MYO19: variants seen among roughly 807,000 people sequenced by gnomAD.
The protein encoded by MYO19 is myosin XIX, also known as unconventional myosin-XIX.
A neutral mutation model predicts 129.2 loss-of-function variants in MYO19; 132 were observed. The ratio of observed to expected loss-of-function variants is 1.02; its 90% CI spans 0.89 to 1.18. The LOEUF is 1.18. Ranked by LOEUF, MYO19 falls within the 50% of genes most tolerant of loss-of-function variation. The pLI is 0.00. For synonymous variants in MYO19, 531 were observed against 477.2 expected, an observed-to-expected ratio of 1.11 and a Z score of -1.47; for missense variants, 1,210 against 1,216.7, an observed-to-expected ratio of 0.99 and a Z score of 0.08.
rs537057712 is a variant in MYO19 at position 36,507,490 on chromosome 17, A to C, written c.1376T>G (p.Leu459Arg). ...CTGGTAGTTGATGAATGACCACTCC[A>C]GGCCCTCAACTGCGTATTCCTCCTA... ...AQQEEYAVEG[L>R]EWSFINYQDN... Residue 459 changes from leucine (L) to arginine (R), a missense_variant, in exon 16 of 26, where the codon CTG (leucine) becomes CGG (arginine). Leu to Arg is a moderately radical substitution (Grantham distance 102). Coordinates refer to ENST00000614623, the MANE Select transcript of MYO19 (RefSeq NM_001163735.2). 2.1e-4 allele frequency: 340 copies of C among 1,613,738 alleles called. 4 individuals are homozygous for C. In the South Asian group the frequency reaches 3.5e-3, roughly 17 times the overall value.
intron 6 of MYO19, among the ~76,000 whole-genome samples, chr17:36,517,231 A>G (rs2072815660): frequency 6.6e-6 from 1 of 152,048 alleles, no homozygotes; most frequent in African/African-American, 2.4e-5. Context: ...TTCTCTTTTT[A>G]TAAGTCTGAC....
Position 36,506,610 on chromosome 17 carries a change from T to C in MYO19, c.1645-2A>G. 6.6e-7 allele frequency: 1 copy of C among 1,522,446 alleles called. No individual in the cohort carries two copies. The highest frequency in any genetic ancestry group is 8.8e-7 in the Non-Finnish European group (1 of 1,139,248). 94.3% of individuals were successfully genotyped at this position (1,522,446 alleles called of 1,614,324 possible). On this transcript the variant is annotated splice_acceptor_variant, in intron 17 of 25. Transcript: ENST00000614623. LOFTEE classifies it high-confidence loss of function. ...GGTCAGCTCAGGTGGGATAGGGTCC[T>C]ATTGGGAAATGGCAAGAGCAGCAGT...
At chr17:36,532,787 G>C in intron 2 of MYO19, 106 bp from the exon 3 acceptor site, 2 of 584,836 alleles carry the variant, frequency 3.4e-6, no homozygotes, top group South Asian at 4.2e-5. Flanking sequence ...TGAGATGCAA[G>C]GCAGGCCTGG....
At chr17:36,536,592 C>G (rs1457583284), upstream of MYO19, among the ~76,000 whole-genome samples, 4 of 148,128 alleles carry the variant, frequency 2.7e-5, no homozygotes, top group Middle Eastern at 3.2e-3. Flanking sequence ...ATGGCTCACT[C>G]CAACCTCTGC....
chr17:36,543,857 C>T (rs1378772625), upstream of MYO19, among the ~76,000 whole-genome samples: 4 of 151,706 alleles, frequency 2.6e-5, no homozygotes, highest in South Asian at 6.2e-4. Flanking sequence ...AACTCCTGAC[C>T]CTCAGGTGAT....
intron 3 of MYO19, among the ~76,000 whole-genome samples, chr17:36,528,510 C>CA (rs948278898): frequency 0.16 from 16,697 of 106,112 alleles, 2,022 homozygotes; most frequent in African/African-American, 0.38. Flanking sequence ...GACTCTGTCT[C>CA]AAAAAAAAAA....
chr17:36,513,742 G>C lies in MYO19; in HGVS notation c.721-17C>G. 1 of 1,609,638 alleles carries C rather than the reference G, an allele frequency of 6.2e-7. No homozygotes were observed. Among genetic ancestry groups the C allele is most frequent in the Non-Finnish European group, 8.5e-7 (1 of 1,177,528 alleles). ...TTTGCAAATCTGTGGAGAAGGGTAG[G>C]TGGGAGGCTGGGTAGGGGGTCTGAG... On this transcript the variant is annotated splice_polypyrimidine_tract_variant and intron_variant, in intron 9 of 25. Coordinates refer to ENST00000614623, the MANE Select transcript of MYO19 (RefSeq NM_001163735.2).
In MYO19 at chr17:36,495,679, T is replaced by TA; in HGVS notation, c.*571dup. On this transcript the variant is annotated 3_prime_UTR_variant, in exon 26 of 26. Transcript: ENST00000614623. ...CTTTTGGTACAGTTGATAGACATCA[T>TA]AAACGATATCAAGCTTACACTTCAT... The TA allele has an allele frequency of 1.3e-5, 17 of 1,270,336 alleles. No individual in the cohort carries two copies. Among genetic ancestry groups the TA allele is most frequent in the Non-Finnish European group, 1.7e-5 (17 of 1,010,830 alleles). The allele number at this position is 1,270,336 out of a possible 1,614,324, so 78.7% of individuals were successfully genotyped here.
chr17:36,520,319 T>C (rs1313851612), intron 6 of MYO19, among the ~76,000 whole-genome samples: 1 of 152,180 alleles, frequency 6.6e-6, no homozygotes, highest in African/African-American at 2.4e-5. Context: ...ACTTTGACCA[T>C]AATGTGCCTA....
chr17:36,525,855 T>A (rs953529316), intron 5 of MYO19, among the ~76,000 whole-genome samples: 2 of 152,212 alleles, frequency 1.3e-5, no homozygotes, highest in Non-Finnish European at 2.9e-5. Context: ...TTCAATGTAC[T>A]AGGCATCAAT....
chr17:36,526,895 T>C (rs1001070098), intron 5 of MYO19, among the ~76,000 whole-genome samples: 6 of 151,762 alleles, frequency 4.0e-5, no homozygotes, highest in East Asian at 1.9e-4. Flanking sequence ...TCAAAATAAA[T>C]AGGGCCGGGT....
chr17:36,538,413 CTT>C (rs1284318967), upstream of MYO19: 6 of 1,614,010 alleles, frequency 3.7e-6, no homozygotes, highest in African/African-American at 1.3e-5. Context: ...GGAACCCAGT[CTT>C]TGTTTAATCA....
chr17:36,527,774 AG>A, intron 4 of MYO19, 75 bp from the exon 5 acceptor site: 1 of 1,463,434 alleles, frequency 6.8e-7, no homozygotes, highest in Non-Finnish European at 9.2e-7. Context: ...CATCTACTTA[AG>A]TAACAGCCCT....
At chr17:36,520,363 A>T (rs11657469) in intron 6 of MYO19, among the ~76,000 whole-genome samples, 71,615 of 151,896 alleles carry the variant, frequency 0.47, 16,961 homozygotes, top group Middle Eastern at 0.49. Context: ...CTACTTGGCA[A>T]TTTTTGAGCT....
chr17:36,514,338 G>C (rs1015849170), intron 9 of MYO19, 108 bp downstream of exon 9: 1 of 742,594 alleles, frequency 1.3e-6, no homozygotes, highest in Non-Finnish European at 2.4e-6. Flanking sequence ...TCCATCAAAA[G>C]CTAGGTGAAG....
chr17:36,537,956 A>G (rs746725102), upstream of MYO19: 60 of 1,613,970 alleles, frequency 3.7e-5, no homozygotes, highest in Non-Finnish European at 4.9e-5. Flanking sequence ...AGAGGTTAAT[A>G]TTATATGGCA....
At position 36,495,712 on chromosome 17, in the gene MYO19, T is replaced by A; in HGVS notation, c.*539A>T. ...ATCAAGCTTACACTTCATATGGAGT[T>A]AAACTTGGTCAGTGTTAATAAAATC... On this transcript the variant is annotated 3_prime_UTR_variant, in exon 26 of 26. Coordinates refer to ENST00000614623, the MANE Select transcript of MYO19 (RefSeq NM_001163735.2). 1 of 1,252,944 alleles carries A rather than the reference T, an allele frequency of 8.0e-7. No individual in the cohort carries two copies. Among genetic ancestry groups the A allele is most frequent in the African/African-American group, 1.5e-5 (1 of 65,018 alleles). The allele number at this position is 1,252,944 out of a possible 1,614,324, so 77.6% of individuals were successfully genotyped here.
At chr17:36,508,215 C>G (rs1318501046) in intron 14 of MYO19, 1 of 274,210 alleles carries the variant, frequency 3.6e-6, no homozygotes, top group Non-Finnish European at 6.8e-6. Context: ...TCTGAATTCT[C>G]TGGTTCTGAT....
Position 36,514,433 on chromosome 17 carries a change from AT to A in MYO19, c.720+12del. The A allele has an allele frequency of 6.3e-7, 1 of 1,587,276 alleles. No individual in the cohort carries two copies. Among genetic ancestry groups the A allele is most frequent in the Non-Finnish European group, 8.7e-7 (1 of 1,155,614 alleles). ...CTCGCATCTGGGGGGCTGTGGCCCC[AT>A]TTGGCACAAACCTGATAGAAGATGT... is the stretch of plus-strand genomic sequence containing the variant. On this transcript the variant is annotated intron_variant, in intron 9 of 25. Coordinates refer to ENST00000614623, the MANE Select transcript of MYO19 (RefSeq NM_001163735.2).
Sources: allele counts gnomAD v4.1 joint callset (sites outside exome capture counted in the v4.1 genomes callset), GRCh38; gene constraint gnomAD v4.1.1; transcripts MANE v1.5; gene names NCBI Gene and HGNC (gene_info 2026-07-23, HGNC 2026-07-21).